The following IQGAP2 variants were observed in gnomAD, a reference collection of about 807,000 sequenced individuals.
IQGAP2 encodes the protein IQ motif containing GTPase activating protein 2.
Under a neutral mutation model 201.3 loss-of-function variants are expected in IQGAP2, and 173 were observed. The ratio of observed to expected loss-of-function variants is 0.86; its 90% CI spans 0.76 to 0.98. The LOEUF (loss-of-function observed/expected upper bound fraction) is 0.98. Ranked by LOEUF, IQGAP2 falls within the 50% of genes least tolerant of loss-of-function variation. IQGAP2 has a pLI of 0.00. For synonymous variants in IQGAP2, 675 were observed against 673.9 expected, an observed-to-expected ratio of 1.00 and a Z score of -0.03; for missense variants, 1,687 against 1,864.8, an observed-to-expected ratio of 0.90 and a Z score of 1.76.
intron 1 of IQGAP2, among the ~76,000 whole-genome samples, chr5:76,414,902 G>T (rs1751329977): frequency 1.3e-5 from 2 of 152,198 alleles, no homozygotes; most frequent in Non-Finnish European, 2.9e-5. Context: ...GGAACTCTGA[G>T]AAAGAAGTGG....
At chr5:76,657,579 G>A (rs1742864409) in intron 20 of IQGAP2, among the ~76,000 whole-genome samples, 3 of 152,178 alleles carry the variant, frequency 2.0e-5, no homozygotes, top group African/African-American at 4.8e-5. Context: ...TAATGAGATG[G>A]CCATGGCTGG....
At chr5:76,490,231 T>G (rs967142158) in intron 2 of IQGAP2, among the ~76,000 whole-genome samples, 1 of 152,108 alleles carries the variant, frequency 6.6e-6, no homozygotes, top group Non-Finnish European at 1.5e-5. Context: ...GCAACAAGAT[T>G]GAGGATGATT....
chr5:76,627,588 A>G (rs1279248198), intron 14 of IQGAP2, 88 bp downstream of exon 14: 13 of 751,352 alleles, frequency 1.7e-5, no homozygotes, highest in Admixed American at 4.5e-5. Flanking sequence ...TTTCTGAAAG[A>G]TTTGGATTCT....
At chr5:76,595,448 A>C (rs1233104795) in intron 9 of IQGAP2, among the ~76,000 whole-genome samples, 1 of 151,260 alleles carries the variant, frequency 6.6e-6, no homozygotes, top group East Asian at 1.9e-4. Context: ...ATTTTTTTAG[A>C]AGAAATTGTT....
chr5:76,661,392 A>G (rs1035280042), intron 21 of IQGAP2, among the ~76,000 whole-genome samples: 2 of 152,188 alleles, frequency 1.3e-5, no homozygotes, highest in African/African-American at 2.4e-5. Context: ...ATAAAAAAGT[A>G]TAGGTCAGCC....
At chr5:76,579,369 C>T (rs1745684237) in intron 5 of IQGAP2, among the ~76,000 whole-genome samples, 1 of 151,334 alleles carries the variant, frequency 6.6e-6, no homozygotes, top group South Asian at 2.1e-4. Context: ...CAGAACATGG[C>T]GCAACTTTGG....
At chr5:76,543,466 C>G (rs775477744) in intron 2 of IQGAP2, among the ~76,000 whole-genome samples, 7 of 152,224 alleles carry the variant, frequency 4.6e-5, no homozygotes, top group African/African-American at 7.2e-5. Context: ...TGCCTTCACT[C>G]TCAGGCATCA....
Position 76,619,539 on chromosome 5 carries a change from G to A in IQGAP2, c.1522-7871G>A, listed in dbSNP as rs1412107571. Among the ~76,000 whole-genome samples the A allele has an allele frequency of 1.0e-4, 12 of 117,280 alleles. No homozygotes were observed. In the South Asian group the frequency reaches 1.9e-3, roughly 19 times the overall value. The allele number at this position is 117,280 out of a possible 152,430, so 76.9% of individuals were successfully genotyped here. On this transcript the variant is annotated intron_variant, in intron 13 of 35. Coordinates refer to ENST00000274364, the MANE Select transcript of IQGAP2 (RefSeq NM_006633.5). Reference sequence around the variant, plus strand: ...CTTTTTTTTTTTTTTTTTTTTTTGAGACAGTCTCACTCTGTCGCCCAGGCT... The same window carrying A: ...CTTTTTTTTTTTTTTTTTTTTTTGAAACAGTCTCACTCTGTCGCCCAGGCT...
intron 34 of IQGAP2, among the ~76,000 whole-genome samples, chr5:76,701,529 C>T (rs922656930): frequency 4.6e-5 from 7 of 152,162 alleles, no homozygotes; most frequent in Admixed American, 3.9e-4. Flanking sequence ...TCTACCATTG[C>T]AAAATAGCAC....
In IQGAP2 at chr5:76,449,849, C is replaced by G. The variant is rs572733538; in HGVS notation, c.47-11721C>G. Among the ~76,000 whole-genome samples the G allele has an allele frequency of 1.1e-4, 17 of 152,316 alleles. No homozygotes were observed. The South Asian group carries it at 3.5e-3, about 32-fold the overall frequency. On this transcript the variant is annotated intron_variant, in intron 1 of 35. Coordinates refer to ENST00000274364, the MANE Select transcript of IQGAP2 (RefSeq NM_006633.5). ...GGGAATTTACATACAGTACCACGAT[C>G]CAGTTCCCAGCCAAGAATTAAACGC...
In IQGAP2 at chr5:76,472,182, G is replaced by A. The variant is rs79998552; in HGVS notation, c.146+10513G>A. 8.6e-3 allele frequency among the ~76,000 whole-genome samples: 1,317 copies of A among 152,362 alleles called. 7 individuals are homozygous for A. The highest frequency in any genetic ancestry group is 0.012 in the Non-Finnish European group (794 of 68,040). On this transcript the variant is annotated intron_variant, in intron 2 of 35. Transcript: ENST00000274364. ...CTTGCCTCAGGAGCCCTGTGCCAGCGAGGCTGAGATCAGGGCCTGGCACAT... is the reference window on the plus strand; with the variant it reads ...CTTGCCTCAGGAGCCCTGTGCCAGCAAGGCTGAGATCAGGGCCTGGCACAT...
intron 13 of IQGAP2, among the ~76,000 whole-genome samples, chr5:76,622,380 A>G (rs566798722): frequency 1.3e-5 from 2 of 152,318 alleles, no homozygotes; most frequent in Admixed American, 6.5e-5. Flanking sequence ...GGGATTCCAA[A>G]TGTGAATTTA....
At chr5:76,602,346 T>G (rs145613979) in intron 11 of IQGAP2, among the ~76,000 whole-genome samples, 1 of 152,322 alleles carries the variant, frequency 6.6e-6, no homozygotes, top group East Asian at 1.9e-4. Context: ...GTGAGATAAC[T>G]GTCAAGACTA....
At chr5:76,424,361 G>A (rs1751886570) in intron 1 of IQGAP2, among the ~76,000 whole-genome samples, 1 of 152,072 alleles carries the variant, frequency 6.6e-6, no homozygotes. Flanking sequence ...AGGCTGGAGT[G>A]CAATGGCACG....
At chr5:76,642,214 G>T (rs191276179) in intron 17 of IQGAP2, among the ~76,000 whole-genome samples, 10 of 151,976 alleles carry the variant, frequency 6.6e-5, no homozygotes, top group African/African-American at 1.9e-4. Flanking sequence ...CAAATTTCAC[G>T]TGTCAGCCAA....
chr5:76,570,537 T>C (rs776791619), intron 3 of IQGAP2, 43 bp from the exon 4 acceptor site: 2 of 1,355,506 alleles, frequency 1.5e-6, no homozygotes, highest in East Asian at 4.6e-5. Flanking sequence ...TCACTTTTTG[T>C]GTGGTTCCTT....
chr5:76,427,498 T>A (rs1284553606), intron 1 of IQGAP2, among the ~76,000 whole-genome samples: 1 of 152,252 alleles, frequency 6.6e-6, no homozygotes, highest in Non-Finnish European at 1.5e-5. Flanking sequence ...GGAATAGGAT[T>A]ATGCTTGTTC....
intron 2 of IQGAP2, among the ~76,000 whole-genome samples, chr5:76,556,797 T>C (rs909579784): frequency 6.6e-6 from 1 of 152,204 alleles, no homozygotes; most frequent in Non-Finnish European, 1.5e-5. Flanking sequence ...AGTTTCCAAG[T>C]TGTATCTTAT....
intron 5 of IQGAP2, among the ~76,000 whole-genome samples, chr5:76,585,380 T>A (rs1204623867): frequency 6.6e-6 from 1 of 152,220 alleles, no homozygotes; most frequent in Non-Finnish European, 1.5e-5. Flanking sequence ...TATAGTTTTC[T>A]TTGTAAATTA....
Sources: allele counts gnomAD v4.1 joint callset (sites outside exome capture counted in the v4.1 genomes callset), GRCh38; gene constraint gnomAD v4.1.1; transcripts MANE v1.5; gene names NCBI Gene and HGNC (gene_info 2026-07-23, HGNC 2026-07-21).